The following TLE1 variants were observed in gnomAD, a reference collection of about 807,000 sequenced individuals.
The protein encoded by TLE1 is transducin-like enhancer protein 1.
Under a neutral mutation model 89.8 loss-of-function variants are expected in TLE1, and 21 were observed. The ratio of observed to expected loss-of-function variants is 0.23; its 90% CI spans 0.17 to 0.34. TLE1 has a LOEUF of 0.34. TLE1 is among the 10% of genes least tolerant of loss of function. The pLI is 1.00. For synonymous variants in TLE1, 447 were observed against 407.6 expected, an observed-to-expected ratio of 1.10 and a Z score of -1.16; for missense variants, 795 against 1,031.2, an observed-to-expected ratio of 0.77 and a Z score of 3.14.
rs1827999735 is a variant in TLE1, at chr9:81,584,008, A to G, written c.*190T>C. On this transcript the variant is annotated 3_prime_UTR_variant, in exon 20 of 20. Coordinates refer to ENST00000376499, the MANE Select transcript of TLE1 (RefSeq NM_005077.5). ...TTGGCCTTGGTGCTCCATTTGGTCT[A>G]TGTAGACAGGTGACTTTCTGCTGAT... 2 of 601,452 alleles carry G rather than the reference A, an allele frequency of 3.3e-6. No homozygotes were observed. Among genetic ancestry groups the G allele is most frequent in the African/African-American group, 1.9e-5 (1 of 53,800 alleles). The allele number at this position is 601,452 out of a possible 1,614,324, so 37.3% of individuals were successfully genotyped here.
chr9:81,643,121 C>T (rs943392910), intron 6 of TLE1, among the ~76,000 whole-genome samples: 2 of 152,000 alleles, frequency 1.3e-5, no homozygotes, highest in African/African-American at 4.8e-5. Context: ...TTTCAGTTAC[C>T]CAAGATAAAG....
rs112861924 is a variant in TLE1 at position 81,588,620 on chromosome 9, T to C, written c.1830-792A>G. Reference sequence around the variant, plus strand: ...CAGAAACGATCAGCCAACAGGGATCTGCTGAGCACAGATGCTGTGCAAGGC... The same window carrying C: ...CAGAAACGATCAGCCAACAGGGATCCGCTGAGCACAGATGCTGTGCAAGGC... On this transcript the variant is annotated intron_variant, in intron 16 of 19. Coordinates refer to ENST00000376499, the MANE Select transcript of TLE1 (RefSeq NM_005077.5). 1.8e-3 allele frequency among the ~76,000 whole-genome samples: 281 copies of C among 152,288 alleles called. 1 individual carries two copies. The highest frequency in any genetic ancestry group is 5.8e-3 in the African/African-American group (240 of 41,564).
chr9:81,664,050 G>A (rs1831158780), intron 4 of TLE1, among the ~76,000 whole-genome samples: 1 of 152,056 alleles, frequency 6.6e-6, no homozygotes, highest in Admixed American at 6.6e-5. Flanking sequence ...CCTAACATCA[G>A]ACCATCTGGC....
intron 18 of TLE1, 142 bp from the exon 19 acceptor site, chr9:81,584,666 G>A: frequency 1.4e-6 from 1 of 723,552 alleles, no homozygotes; most frequent in Non-Finnish European, 2.2e-6. Context: ...TATGAACAGA[G>A]GTTTTAATCT....
At chr9:81,626,083 G>A (rs1391284534) in intron 8 of TLE1, among the ~76,000 whole-genome samples, 1 of 152,114 alleles carries the variant, frequency 6.6e-6, no homozygotes, top group Non-Finnish European at 1.5e-5. Flanking sequence ...ACCCATTCAT[G>A]CATACAGCAA....
intron 14 of TLE1, among the ~76,000 whole-genome samples, chr9:81,595,321 G>A (rs867660510): frequency 2.0e-5 from 3 of 152,140 alleles, no homozygotes; most frequent in African/African-American, 4.8e-5. Context: ...ATAGCATTTT[G>A]TTGCCCTTGA....
intron 8 of TLE1, among the ~76,000 whole-genome samples, chr9:81,623,617 TAAAAA>T (rs751545706): frequency 4.5e-4 from 20 of 44,502 alleles, no homozygotes; most frequent in African/African-American, 1.8e-3. Context: ...CATCTGTACT[TAAAAA>T]AAAAAAAAAA....
intron 8 of TLE1, among the ~76,000 whole-genome samples, chr9:81,628,759 TTAAC>T (rs1306937393): frequency 5.9e-5 from 9 of 152,262 alleles, no homozygotes; most frequent in Middle Eastern, 3.4e-3. Flanking sequence ...TCTCAATCTG[TTAAC>T]TAAGTATGTG....
chr9:81,619,872 G>A (rs1044890002), intron 9 of TLE1, among the ~76,000 whole-genome samples: 16 of 152,132 alleles, frequency 1.1e-4, no homozygotes, highest in African/African-American at 3.6e-4. Flanking sequence ...GATGCCTCTG[G>A]GGTTTCTTCC....
intron 16 of TLE1, among the ~76,000 whole-genome samples, chr9:81,589,548 A>T (rs953735730): frequency 1.3e-5 from 2 of 152,160 alleles, no homozygotes; most frequent in African/African-American, 4.8e-5. Context: ...AAGGGTTCAG[A>T]GTACAGACGA....
At chr9:81,681,487 T>A (rs532911861) in intron 4 of TLE1, among the ~76,000 whole-genome samples, 1 of 151,092 alleles carries the variant, frequency 6.6e-6, no homozygotes, top group Non-Finnish European at 1.5e-5. Context: ...GAGGCGGAGG[T>A]TGCAGTGAGC....
intron 15 of TLE1, 87 bp downstream of exon 15, chr9:81,592,938 G>A (rs1829748261): frequency 2.0e-6 from 3 of 1,503,598 alleles, no homozygotes; most frequent in African/African-American, 1.4e-5. Flanking sequence ...TCCTCATAAT[G>A]GGAATAAAAC....
At chr9:81,613,298 C>T (rs561749349) in intron 12 of TLE1, 79 bp downstream of exon 12, 16 of 1,552,318 alleles carry the variant, frequency 1.0e-5, no homozygotes, top group African/African-American at 8.2e-5. Flanking sequence ...AGGGCAATTG[C>T]GTCACAACAT....
intron 15 of TLE1, among the ~76,000 whole-genome samples, chr9:81,592,761 C>A (rs1829718511): frequency 6.6e-6 from 1 of 152,162 alleles, no homozygotes; most frequent in South Asian, 2.1e-4. Flanking sequence ...TAATACACAT[C>A]CATACATGAG....
At chr9:81,674,894 C>T (rs1286062572) in intron 4 of TLE1, among the ~76,000 whole-genome samples, 2 of 152,238 alleles carry the variant, frequency 1.3e-5, no homozygotes, top group African/African-American at 4.8e-5. Context: ...GTGGCTCACA[C>T]CTGTAATCCC....
intron 4 of TLE1, among the ~76,000 whole-genome samples, chr9:81,678,712 G>A (rs1183846542): frequency 1.3e-5 from 2 of 152,292 alleles, no homozygotes; most frequent in East Asian, 1.9e-4. Flanking sequence ...ATACTTGGAA[G>A]GCTGAGGCAG....
chr9:81,619,274 T>C (rs1315600342), intron 9 of TLE1, among the ~76,000 whole-genome samples: 19 of 152,178 alleles, frequency 1.2e-4, no homozygotes, highest in Non-Finnish European at 4.4e-5. Context: ...TTTCTTAGTA[T>C]GTTATTAAAG....
At chr9:81,630,919 T>C (rs1410215607) in intron 8 of TLE1, among the ~76,000 whole-genome samples, 1 of 152,214 alleles carries the variant, frequency 6.6e-6, no homozygotes, top group Non-Finnish European at 1.5e-5. Flanking sequence ...TTCCTCTCTA[T>C]GGACTGAATT....
chr9:81,654,375 CTG>C (rs1008894572), intron 4 of TLE1, among the ~76,000 whole-genome samples: 7 of 152,274 alleles, frequency 4.6e-5, no homozygotes, highest in African/African-American at 1.7e-4. Flanking sequence ...GAGTCTTGCT[CTG>C]TCGCCCAGGC....
Sources: allele counts gnomAD v4.1 joint callset (sites outside exome capture counted in the v4.1 genomes callset), GRCh38; gene constraint gnomAD v4.1.1; transcripts MANE v1.5; gene names NCBI Gene and HGNC (gene_info 2026-07-23, HGNC 2026-07-21).